Variants in LRRC40 observed in about 807,000 individuals in gnomAD.
The protein encoded by LRRC40 is leucine rich repeat containing 40, also known as leucine-rich repeat-containing protein 40.
A neutral mutation model predicts 72.8 loss-of-function variants in LRRC40; 76 were observed. That is an observed-to-expected ratio of 1.04 (90% CI 0.87 to 1.26). The LOEUF (loss-of-function observed/expected upper bound fraction) is 1.26. Ranked by LOEUF, LRRC40 falls within the 50% of genes most tolerant of loss-of-function variation. The pLI, the probability that LRRC40 is intolerant of heterozygous loss-of-function variation, is 0.00. For synonymous variants in LRRC40, 243 were observed against 254.2 expected, an observed-to-expected ratio of 0.96 and a Z score of 0.42; for missense variants, 684 against 698.9, an observed-to-expected ratio of 0.98 and a Z score of 0.24.
intron 3 of LRRC40, among the ~76,000 whole-genome samples, chr1:70,185,125 A>G (rs1434071663): frequency 6.6e-6 from 1 of 152,260 alleles, no homozygotes; most frequent in African/African-American, 2.4e-5. Context: ...AAAGAAAAAT[A>G]ACAAAGAAAT....
chr1:70,148,389 T>C lies in LRRC40; in HGVS notation c.1703+98A>G. 8.2e-6 allele frequency: 8 copies of C among 980,720 alleles called. No individual in the cohort carries two copies. In the South Asian group the frequency reaches 1.3e-4, roughly 15 times the overall value. 60.8% of individuals were successfully genotyped at this position (980,720 alleles called of 1,614,324 possible). ...ATTTTTAACAGGATATTAAATCTGT[T>C]ACTTTAACTTCTTGCAAATTTATCT... On this transcript the variant is annotated intron_variant, in intron 14 of 14. Transcript: ENST00000370952.
intron 7 of LRRC40, 28 bp downstream of exon 7, chr1:70,175,782 T>C: frequency 6.9e-7 from 1 of 1,444,168 alleles, no homozygotes; most frequent in Non-Finnish European, 9.3e-7. Flanking sequence ...ACAAACACAA[T>C]TTCTATTCAT....
chr1:70,188,633 G>C (rs1668421825), intron 2 of LRRC40, among the ~76,000 whole-genome samples: 1 of 152,108 alleles, frequency 6.6e-6, no homozygotes, highest in Non-Finnish European at 1.5e-5. Flanking sequence ...CTACTTGGGA[G>C]ACTGAGGCAG....
chr1:70,190,681 A>AAAAAAAAAAG lies in LRRC40; in HGVS notation c.152-1409_152-1408insCTTTTTTTTT, dbSNP rs1668478047. ...AACAGAGTGAGACCCTGTCTCTAAA[A>AAAAAAAAAAG]AAAAAAAAAAAAAAACTTAAAAAAA... On this transcript the variant is annotated intron_variant, in intron 1 of 14. Transcript: ENST00000370952. Among the ~76,000 whole-genome samples, 2 of 147,680 alleles carry AAAAAAAAAAG rather than the reference A, an allele frequency of 1.4e-5. 1 individual carries two copies. The highest frequency in any genetic ancestry group is 3.0e-5 in the Non-Finnish European group (2 of 67,134).
chr1:70,176,712 T>A (rs1369879472), intron 6 of LRRC40, among the ~76,000 whole-genome samples: 3 of 152,088 alleles, frequency 2.0e-5, no homozygotes. Flanking sequence ...GGTCCACTTT[T>A]ATATAAATTT....
At chr1:70,180,925 T>C (rs998605340) in intron 5 of LRRC40, among the ~76,000 whole-genome samples, 161 bp downstream of exon 5, 4 of 152,186 alleles carry the variant, frequency 2.6e-5, no homozygotes, top group African/African-American at 9.6e-5. Context: ...AGTTGATACA[T>C]AATAATGGTC....
intron 1 of LRRC40, among the ~76,000 whole-genome samples, chr1:70,200,089 A>G (rs1021159863): frequency 3.9e-5 from 6 of 152,192 alleles, no homozygotes; most frequent in Admixed American, 2.0e-4. Flanking sequence ...CTACCATCTA[A>G]GAGCAAGAAT....
intron 9 of LRRC40, among the ~76,000 whole-genome samples, chr1:70,164,851 T>C (rs771874910): frequency 4.0e-4 from 61 of 152,358 alleles, no homozygotes; most frequent in Non-Finnish European, 3.7e-4. Context: ...TTTTAAATTA[T>C]AGTCCATTGA....
In LRRC40 at chr1:70,148,470, T is replaced by C; in HGVS notation, c.1703+17A>G. The C allele has an allele frequency of 1.3e-6, 2 of 1,573,966 alleles. No individual in the cohort carries two copies. The highest frequency in any genetic ancestry group is 2.2e-5 in the East Asian group (1 of 44,484). ...CAATAAAATAAATGAAACAATGCAG[T>C]AGAATGGTGTAGTTACCTTAAGTTT... On this transcript the variant is annotated intron_variant, in intron 14 of 14. Coordinates refer to ENST00000370952, the MANE Select transcript of LRRC40 (RefSeq NM_017768.5).
intron 1 of LRRC40, among the ~76,000 whole-genome samples, chr1:70,191,731 G>A (rs1024964840): frequency 1.3e-5 from 2 of 152,054 alleles, no homozygotes; most frequent in East Asian, 3.8e-4. Flanking sequence ...AAGAAATTCT[G>A]TGGAGCTATC....
intron 1 of LRRC40, among the ~76,000 whole-genome samples, chr1:70,201,978 A>AAAAAT (rs376921368): frequency 3.5e-4 from 54 of 152,292 alleles, no homozygotes; most frequent in South Asian, 6.2e-4. Flanking sequence ...ACTCCGTCTC[A>AAAAAT]AAAATAAAAT....
intron 4 of LRRC40, among the ~76,000 whole-genome samples, chr1:70,182,692 C>A (rs566590175): frequency 6.6e-6 from 1 of 152,014 alleles, no homozygotes; most frequent in Admixed American, 6.5e-5. Context: ...ATAAATTAAT[C>A]CATATTTATG....
At position 70,200,275 on chromosome 1, in the gene LRRC40, G is replaced by A. The variant is rs185606174; in HGVS notation, c.151+5115C>T. 4.2e-3 allele frequency among the ~76,000 whole-genome samples: 640 copies of A among 152,180 alleles called. 4 individuals are homozygous for A. Among genetic ancestry groups the A allele is most frequent in the Non-Finnish European group, 7.4e-3 (501 of 67,996 alleles). On this transcript the variant is annotated intron_variant, in intron 1 of 14. Coordinates refer to ENST00000370952, the MANE Select transcript of LRRC40 (RefSeq NM_017768.5). ...GACAGAGGGAGTTTGAGACCAAGCTGGGCAATATAGCAAGACCCCATCTCT... is the reference window on the plus strand; with the variant it reads ...GACAGAGGGAGTTTGAGACCAAGCTAGGCAATATAGCAAGACCCCATCTCT...
intron 1 of LRRC40, among the ~76,000 whole-genome samples, chr1:70,204,944 G>A (rs568596816): frequency 6.6e-5 from 10 of 152,296 alleles, no homozygotes; most frequent in African/African-American, 2.4e-4. Context: ...GCATACAGAA[G>A]AGCGTCTCGG....
intron 12 of LRRC40, 118 bp from the exon 13 acceptor site, chr1:70,151,323 T>A (rs1571432993): frequency 1.6e-6 from 1 of 624,552 alleles, no homozygotes; most frequent in East Asian, 2.8e-5. Context: ...CAATCCTTGA[T>A]CTGACTTTAT....
In LRRC40 at chr1:70,193,693, T is replaced by C. The variant is rs184546938; in HGVS notation, c.152-4420A>G. Among the ~76,000 whole-genome samples the C allele has an allele frequency of 2.0e-3, 307 of 152,120 alleles. 1 individual carries two copies. Among genetic ancestry groups the C allele is most frequent in the African/African-American group, 7.2e-3 (299 of 41,510 alleles). On this transcript the variant is annotated intron_variant, in intron 1 of 14. Coordinates refer to ENST00000370952, the MANE Select transcript of LRRC40 (RefSeq NM_017768.5). The stretch of plus-strand genomic sequence containing the variant: ...AAAAACTACAGGCCAATGTATCTAA[T>C]GATTATAGACCCAAATTCCTGAACA...
chr1:70,145,149 T>C lies in LRRC40; in HGVS notation c.*651A>G, dbSNP rs984567723. ...TATGGTGCTGTAAATAAAAAGGTTT[T>C]AAGTTGAAATGTGTACTGAGATTAG... On this transcript the variant is annotated 3_prime_UTR_variant, in exon 15 of 15. Transcript: ENST00000370952. The C allele has an allele frequency of 5.9e-5, 9 of 152,186 alleles. No individual in the cohort carries two copies. The highest frequency in any genetic ancestry group is 5.2e-4 in the Admixed American group (8 of 15,276). The allele number at this position is 152,186 out of a possible 1,614,324, so 9.4% of individuals were successfully genotyped here.
chr1:70,202,587 A>G (rs541317508), intron 1 of LRRC40, among the ~76,000 whole-genome samples: 1 of 152,326 alleles, frequency 6.6e-6, no homozygotes, highest in Admixed American at 6.5e-5. Flanking sequence ...AAGTGAAATT[A>G]TGCTGTATGA....
chr1:70,181,072 C>T lies in LRRC40; in HGVS notation c.661+14G>A. 6.8e-7 allele frequency: 1 copy of T among 1,466,558 alleles called. No individual in the cohort carries two copies. Among genetic ancestry groups the T allele is most frequent in the Admixed American group, 2.1e-5 (1 of 47,918 alleles). The allele number at this position is 1,466,558 out of a possible 1,614,324, so 90.8% of individuals were successfully genotyped here. A position where few individuals can be genotyped will look rare whatever the true frequency, so the allele number is the denominator to read the frequency against. ...CTTCAAATTTATGTATTATGTAAAA[C>T]AGAAAATATTTACTTTTCATTCTAT... is the stretch of plus-strand genomic sequence containing the variant. On this transcript the variant is annotated intron_variant, in intron 5 of 14. Transcript: ENST00000370952.
Sources: allele counts gnomAD v4.1 joint callset (sites outside exome capture counted in the v4.1 genomes callset), GRCh38; gene constraint gnomAD v4.1.1; transcripts MANE v1.5; gene names NCBI Gene and HGNC (gene_info 2026-07-23, HGNC 2026-07-21).